Variants in CECR2 observed in about 807,000 individuals in gnomAD.
CECR2 encodes CECR2 histone acetyl-lysine reader, also known as chromatin remodeling regulator CECR2.
In CECR2, 30 loss-of-function variants were observed where a neutral mutation model predicts 154.5. That is an observed-to-expected ratio of 0.19 (90% CI 0.15 to 0.26). The LOEUF is 0.26. CECR2 is among the 10% of genes least tolerant of loss of function. The pLI is 1.00. For missense variants in CECR2, 1,743 were observed against 1,829.3 expected (o/e 0.95, Z 0.86); for synonymous variants, 725 against 683.7 (o/e 1.06, Z -0.94).
At chr22:17,463,867 A>G (rs2146742973) in intron 1 of CECR2, among the ~76,000 whole-genome samples, 1 of 152,188 alleles carries the variant, frequency 6.6e-6, no homozygotes, top group Admixed American at 6.5e-5. Flanking sequence ...GGAAAAGAAG[A>G]GGTCCAAGGG....
intron 1 of CECR2, among the ~76,000 whole-genome samples, chr22:17,457,623 A>C (rs2146720414): frequency 6.6e-6 from 1 of 152,344 alleles, no homozygotes; most frequent in East Asian, 1.9e-4. Flanking sequence ...AACATTTGTT[A>C]AGTATAAACA....
intron 1 of CECR2, among the ~76,000 whole-genome samples, chr22:17,474,053 G>C (rs1012061648): frequency 6.7e-6 from 1 of 149,614 alleles, no homozygotes; most frequent in Non-Finnish European, 1.5e-5. Context: ...GGTACTAACT[G>C]GGGGGGGTTT....
chr22:17,551,739 A>G (rs2056711022), intron 17 of CECR2, among the ~76,000 whole-genome samples: 1 of 152,160 alleles, frequency 6.6e-6, no homozygotes, highest in South Asian at 2.1e-4. Flanking sequence ...TTGAGGCTGC[A>G]GTAAACCATG....
chr22:17,394,225 A>C (rs1373402533), intron 1 of CECR2, among the ~76,000 whole-genome samples: 2 of 96,094 alleles, frequency 2.1e-5, no homozygotes, highest in Non-Finnish European at 4.2e-5. Context: ...TTTTTTTTTA[A>C]GACGGTTTCT....
At chr22:17,477,536 ATTTTAAG>A (rs1337962246) in intron 1 of CECR2, 45 bp from the exon 2 acceptor site, 3 of 1,255,210 alleles carry the variant, frequency 2.4e-6, no homozygotes, top group African/African-American at 2.9e-5. Flanking sequence ...AGGGGTGTGT[ATTTTAAG>A]AAATCTCTGT....
rs59134897 is a variant in CECR2, at chr22:17,364,342, CAA to C, written c.-364+4338_-364+4339del. Among the ~76,000 whole-genome samples, 58 of 52,930 alleles carry C rather than the reference CAA, an allele frequency of 1.1e-3. 1 individual carries two copies. Among genetic ancestry groups the C allele is most frequent in the African/African-American group, 5.1e-3 (47 of 9,274 alleles). The allele number at this position is 52,930 out of a possible 152,430, so 34.7% of individuals were successfully genotyped here. The stretch of plus-strand genomic sequence containing the variant: ...TGGACGACAGAGCAAGACTCTGTCT[CAA>C]AAAAAAAAAAAAAAAAAAGAATTTG... On this transcript the variant is annotated intron_variant, in intron 1 of 18. Coordinates refer to the CECR2 transcript ENST00000400585.
intron 1 of CECR2, among the ~76,000 whole-genome samples, chr22:17,424,180 C>T (rs975660286): frequency 1.3e-5 from 2 of 152,030 alleles, no homozygotes; most frequent in African/African-American, 2.4e-5. Context: ...TCAAGCAATC[C>T]TCCTGCCTCA....
intron 2 of CECR2, among the ~76,000 whole-genome samples, chr22:17,492,136 C>G (rs1025098688): frequency 6.6e-6 from 1 of 152,148 alleles, no homozygotes; most frequent in Non-Finnish European, 1.5e-5. Flanking sequence ...TAAACGTGGC[C>G]TGTGTGTACA....
chr22:17,447,044 T>TTTTTTTTTTTC (rs1415034885), intron 1 of CECR2, among the ~76,000 whole-genome samples: 1 of 143,248 alleles, frequency 7.0e-6, no homozygotes, highest in Non-Finnish European at 1.5e-5. Context: ...TTTTTTTTTT[T>TTTTTTTTTTTC]TTTTTTTTGA....
Position 17,538,542 on chromosome 22 carries a change from A to C in CECR2, c.1261A>C (p.Thr421Pro). 1 of 1,613,826 alleles carries C rather than the reference A, an allele frequency of 6.2e-7. No individual in the cohort carries two copies. Among genetic ancestry groups the C allele is most frequent in the Non-Finnish European group, 8.5e-7 (1 of 1,179,750 alleles). The change falls in exon 11 of 19, where the codon ACT (threonine) becomes CCT (proline). Residue 421 changes from threonine (T) to proline (P), a missense_variant. Physicochemically the swap from Thr to Pro is conservative, Grantham distance 38. Transcript: ENST00000262608. ...KDLFELDDDFTAMYKVLDVVK... is the reference protein window; with the variant it reads ...KDLFELDDDFPAMYKVLDVVK... ...CAGCTTTGAGTTGGATGATGATTTC[A>C]CTGCTATGTATAAAGGTTAGTTCCC...
At chr22:17,439,856 T>G (rs955610453) in intron 1 of CECR2, among the ~76,000 whole-genome samples, 3 of 152,036 alleles carry the variant, frequency 2.0e-5, no homozygotes, top group South Asian at 4.1e-4. Context: ...ATTAGCGGGG[T>G]GGCTGAATAG....
intron 13 of CECR2, among the ~76,000 whole-genome samples, chr22:17,539,615 T>C (rs1342931500): frequency 6.6e-6 from 1 of 152,042 alleles, no homozygotes; most frequent in East Asian, 1.9e-4. Flanking sequence ...TGTATACATA[T>C]GTAACAAACC....
intron 1 of CECR2, among the ~76,000 whole-genome samples, chr22:17,455,830 C>T (rs576019292): frequency 6.6e-6 from 1 of 152,256 alleles, no homozygotes; most frequent in African/African-American, 2.4e-5. Flanking sequence ...AGGCTGGTCT[C>T]GAACTTCTGA....
At chr22:17,422,717 TC>T (rs113877342) in intron 1 of CECR2, among the ~76,000 whole-genome samples, 2,064 of 151,438 alleles carry the variant, frequency 0.014, 45 homozygotes, top group African/African-American at 0.045. Context: ...CTTTTTTTTT[TC>T]CCTTTGGTTT....
In CECR2 at chr22:17,435,708, A is replaced by AC. The variant is rs1322669780; in HGVS notation, c.127-41880_127-41879insC. On this transcript the variant is annotated intron_variant, in intron 1 of 18. Transcript: ENST00000262608. ...TTAAAAAAAAAAAAAAAAAAAAAAA[A>AC]AACAGGAGCAGGACCATCCAACTTA... Among the ~76,000 whole-genome samples the AC allele has an allele frequency of 3.5e-3, 507 of 144,838 alleles. 8 individuals carry two copies. The highest frequency in any genetic ancestry group is 0.014 in the African/African-American group (485 of 35,898).
At chr22:17,403,137 G>GGGTTT (rs1432879432) in intron 1 of CECR2, among the ~76,000 whole-genome samples, 1 of 152,120 alleles carries the variant, frequency 6.6e-6, no homozygotes, top group Non-Finnish European at 1.5e-5. Context: ...TCATCAGCGT[G>GGGTTT]GACTCATTGA....
At chr22:17,377,337 C>G (rs185489029) in intron 1 of CECR2, among the ~76,000 whole-genome samples, 9 of 152,198 alleles carry the variant, frequency 5.9e-5, no homozygotes, top group Non-Finnish European at 1.2e-4. Context: ...TGTTCACTAT[C>G]TCTAGTGTTC....
At chr22:17,395,458 C>T (rs2053794269) in intron 1 of CECR2, among the ~76,000 whole-genome samples, 1 of 152,072 alleles carries the variant, frequency 6.6e-6, no homozygotes. Context: ...GGTTCTCATG[C>T]CTTAGCCTCT....
At chr22:17,514,987 C>T (rs2056024690) in intron 8 of CECR2, among the ~76,000 whole-genome samples, 1 of 149,516 alleles carries the variant, frequency 6.7e-6, no homozygotes, top group Admixed American at 6.7e-5. Context: ...CGCACCACTG[C>T]ACTCCAGCCT....
Sources: allele counts gnomAD v4.1 joint callset (sites outside exome capture counted in the v4.1 genomes callset), GRCh38; gene constraint gnomAD v4.1.1; transcripts MANE v1.5; gene names NCBI Gene and HGNC (gene_info 2026-07-23, HGNC 2026-07-21).